The following CNTNAP2 variants were observed in gnomAD, a reference collection of about 807,000 sequenced individuals.
CNTNAP2 encodes contactin-associated protein-like 2.
In CNTNAP2, 98 loss-of-function variants were observed where a neutral mutation model predicts 155.2. That is an observed-to-expected ratio of 0.63 (90% CI 0.54 to 0.75). CNTNAP2 has a LOEUF of 0.75. Among genes scored for constraint, CNTNAP2 ranks in the 30% least tolerant of loss-of-function variants. The pLI is 0.00. For missense variants in CNTNAP2, 1,727 were observed against 1,688.1 expected (o/e 1.02, Z -0.40); for synonymous variants, 651 against 631.2 (o/e 1.03, Z -0.47).
chr7:146,667,668 C>T (rs1190635763), intron 1 of CNTNAP2, among the ~76,000 whole-genome samples: 4 of 151,112 alleles, frequency 2.6e-5, no homozygotes, highest in Non-Finnish European at 5.9e-5. Flanking sequence ...TTGCAGTTTT[C>T]CTTTTAAAGG....
At chr7:147,143,630 T>G (rs1041411918) in intron 8 of CNTNAP2, among the ~76,000 whole-genome samples, 1 of 152,168 alleles carries the variant, frequency 6.6e-6, no homozygotes, top group Admixed American at 6.5e-5. Context: ...TTCTGTTATC[T>G]TCATCAGTTT....
In CNTNAP2 at chr7:147,985,926, G is replaced by A. The variant is rs1050655326; in HGVS notation, c.2383+7937G>A. On this transcript the variant is annotated intron_variant, in intron 15 of 23. Transcript: ENST00000361727. ...TTTGGAGTTCTCTAATGGAGCCACA[G>A]GTGCTGGGCCAACTGACTTCCTACA... 3.9e-5 allele frequency among the ~76,000 whole-genome samples: 6 copies of A among 152,160 alleles called. No individual in the cohort carries two copies. The South Asian group carries it at 1.2e-3, about 32-fold the overall frequency.
In CNTNAP2 at chr7:147,890,132, G is replaced by A. The variant is rs560312241; in HGVS notation, c.2099-13433G>A. 2.8e-4 allele frequency among the ~76,000 whole-genome samples: 43 copies of A among 152,216 alleles called. 2 individuals are homozygous for A. In the South Asian group the frequency reaches 8.3e-3, roughly 29 times the overall value. On this transcript the variant is annotated intron_variant, in intron 13 of 23. Coordinates refer to ENST00000361727, the MANE Select transcript of CNTNAP2 (RefSeq NM_014141.6). ...TGGGAGACTGAGGCGGGCAAATCAC[G>A]AGGTCAGGAATTCAAGACCAGCCTG...
chr7:146,321,482 C>T (rs897699604), intron 1 of CNTNAP2, among the ~76,000 whole-genome samples: 2 of 152,094 alleles, frequency 1.3e-5, no homozygotes, highest in Admixed American at 6.6e-5. Context: ...TGAGCTTGCA[C>T]CTTCCTCCAC....
chr7:147,042,335 T>C (rs767394430), intron 3 of CNTNAP2, among the ~76,000 whole-genome samples: 8 of 152,200 alleles, frequency 5.3e-5, no homozygotes, highest in Non-Finnish European at 8.8e-5. Context: ...GCTGGTACCA[T>C]CTAAAGGTTA....
At chr7:147,446,921 C>G (rs1797748884) in intron 10 of CNTNAP2, among the ~76,000 whole-genome samples, 1 of 152,122 alleles carries the variant, frequency 6.6e-6, no homozygotes, top group Non-Finnish European at 1.5e-5. Flanking sequence ...AAAGAGAGGA[C>G]TAGGATGGTT....
chr7:147,159,212 CAT>C, intron 8 of CNTNAP2, among the ~76,000 whole-genome samples: 1 of 152,152 alleles, frequency 6.6e-6, no homozygotes, highest in Admixed American at 6.6e-5. Context: ...ATTGGGAAGT[CAT>C]GTGTATCTTT....
At chr7:147,597,256 A>G (rs1800841754) in intron 12 of CNTNAP2, among the ~76,000 whole-genome samples, 1 of 152,026 alleles carries the variant, frequency 6.6e-6, no homozygotes, top group Non-Finnish European at 1.5e-5. Context: ...CTTTCCAGTA[A>G]CATTTGTACC....
Position 146,279,420 on chromosome 7 carries a change from A to G in CNTNAP2, c.97+162447A>G, listed in dbSNP as rs539659619. Among the ~76,000 whole-genome samples, 22 of 144,250 alleles carry G rather than the reference A, an allele frequency of 1.5e-4. No homozygotes were observed. The East Asian group carries it at 3.3e-3, about 22-fold the overall frequency. 94.6% of individuals were successfully genotyped at this position (144,250 alleles called of 152,430 possible). On this transcript the variant is annotated intron_variant, in intron 1 of 23. Transcript: ENST00000361727. ...TTCTTGTTACTTCATTAAAAAATTCATTTCCTTAAACACACACACACACAC... is the reference window on the plus strand; with the variant it reads ...TTCTTGTTACTTCATTAAAAAATTCGTTTCCTTAAACACACACACACACAC...
intron 1 of CNTNAP2, among the ~76,000 whole-genome samples, chr7:146,501,721 G>A (rs1370050265): frequency 6.6e-6 from 1 of 151,980 alleles, no homozygotes; most frequent in Admixed American, 6.6e-5. Context: ...AAGAGTGTTT[G>A]CAGATATAAT....
chr7:146,545,981 G>C (rs746517681), intron 1 of CNTNAP2, among the ~76,000 whole-genome samples: 25 of 151,938 alleles, frequency 1.6e-4, no homozygotes, highest in Non-Finnish European at 2.8e-4. Context: ...AATGGATCAT[G>C]ATATATTCCA....
chr7:146,590,813 G>T (rs1798770327), intron 1 of CNTNAP2, among the ~76,000 whole-genome samples: 1 of 152,208 alleles, frequency 6.6e-6, no homozygotes, highest in African/African-American at 2.4e-5. Context: ...GAGACTGAAA[G>T]CTTGCCATTC....
chr7:146,709,239 C>G (rs150103656), intron 1 of CNTNAP2, among the ~76,000 whole-genome samples: 123 of 152,176 alleles, frequency 8.1e-4, no homozygotes, highest in Admixed American at 2.4e-3. Context: ...ATTGAGAGTT[C>G]AAAGTCCTTA....
chr7:147,281,864 A>C (rs1455692318), intron 8 of CNTNAP2, among the ~76,000 whole-genome samples: 1 of 151,846 alleles, frequency 6.6e-6, no homozygotes. Context: ...GAATTGATCT[A>C]GAGACCCTTC....
intron 2 of CNTNAP2, among the ~76,000 whole-genome samples, chr7:146,778,624 C>A (rs898243667): frequency 1.3e-5 from 2 of 152,166 alleles, no homozygotes; most frequent in Non-Finnish European, 2.9e-5. Flanking sequence ...AGCACAGATA[C>A]AAAACCTTTG....
At chr7:146,875,934 C>CAAAAAAAAAAAAAAAAAAAAAAAAAAAA (rs56304234) in intron 3 of CNTNAP2, among the ~76,000 whole-genome samples, 8 of 55,134 alleles carry the variant, frequency 1.5e-4, no homozygotes, top group East Asian at 1.0e-3. Context: ...ACATACACAG[C>CAAAAAAAAAAAAAAAAAAAAAAAAAAAA]AAAAAAAAAA....
chr7:147,974,583 C>T (rs1206352194), intron 14 of CNTNAP2, among the ~76,000 whole-genome samples: 1 of 152,106 alleles, frequency 6.6e-6, no homozygotes, highest in Non-Finnish European at 1.5e-5. Context: ...CGAGATCGTG[C>T]CATTGCACTC....
chr7:146,649,540 C>G (rs1799870441), intron 1 of CNTNAP2, among the ~76,000 whole-genome samples: 1 of 152,030 alleles, frequency 6.6e-6, no homozygotes, highest in Admixed American at 6.6e-5. Flanking sequence ...GATTTTTCCC[C>G]TCAGTGGCAA....
At chr7:147,583,295 A>G (rs573263684) in intron 12 of CNTNAP2, among the ~76,000 whole-genome samples, 1 of 152,066 alleles carries the variant, frequency 6.6e-6, no homozygotes, top group South Asian at 2.1e-4. Flanking sequence ...GGAATTACAT[A>G]AATCACATGA....
Sources: gnomAD v4.1 joint callset for allele counts (sites outside exome capture counted in the v4.1 genomes callset) on GRCh38, gnomAD v4.1.1 for gene constraint, MANE v1.5 for transcripts, NCBI Gene and HGNC (gene_info 2026-07-23, HGNC 2026-07-21) for gene names.